Variants in GEMIN5 observed in about 807,000 individuals in gnomAD.
GEMIN5 encodes gem-associated protein 5.
A neutral mutation model predicts 176.9 loss-of-function variants in GEMIN5; 124 were observed. The observed-to-expected ratio is 0.70, with a 90% CI of 0.61 to 0.81. GEMIN5 has a LOEUF of 0.81. GEMIN5 is among the 40% of genes least tolerant of loss of function. The probability of loss-of-function intolerance (pLI) is 0.00; values close to 1 mark genes in which losing one functional copy is unlikely to be tolerated. For missense variants in GEMIN5, 1,843 were observed against 1,814.6 expected (o/e 1.02, Z -0.28); for synonymous variants, 673 against 665.2 (o/e 1.01, Z -0.18).
rs779966329 is a variant in GEMIN5 at position 154,928,675 on chromosome 5, A to G, written c.782-16T>C. The G allele has an allele frequency of 1.2e-6, 2 of 1,613,236 alleles. No individual in the cohort carries two copies. Among genetic ancestry groups the G allele is most frequent in the East Asian group, 4.5e-5 (2 of 44,886 alleles). On this transcript the variant is annotated splice_polypyrimidine_tract_variant and intron_variant, in intron 5 of 27. Coordinates refer to ENST00000285873, the MANE Select transcript of GEMIN5 (RefSeq NM_015465.5). The stretch of plus-strand genomic sequence containing the variant: ...ATCATCACCCCTGCAGATTAAAAAG[A>G]AGGCCAGTGGGCACTCAAGACAGTG...
In GEMIN5 at chr5:154,917,177, G is replaced by A; in HGVS notation, c.1676C>T (p.Ser559Leu). Residue 559 changes from serine to leucine, a missense_variant and splice_region_variant, in exon 13 of 28, where the codon TCA becomes TTA. By Grantham distance (145) the Ser-to-Leu change is moderately radical. Coordinates refer to ENST00000285873, the MANE Select transcript of GEMIN5 (RefSeq NM_015465.5). ...KIMALGNEDGSIEIFQIPNLK... is the reference protein window; with the variant it reads ...KIMALGNEDGLIEIFQIPNLK... Reference sequence around the variant, plus strand: ...GTTGGGAATCTGAAATATTTCTATTGATCTGGAATAAGAAACACATCAAAA... The same window carrying A: ...GTTGGGAATCTGAAATATTTCTATTAATCTGGAATAAGAAACACATCAAAA... 6.7e-7 allele frequency: 1 copy of A among 1,485,950 alleles called. No individual in the cohort carries two copies. The highest frequency in any genetic ancestry group is 1.3e-5 in the South Asian group (1 of 75,020). 92.0% of individuals were successfully genotyped at this position (1,485,950 alleles called of 1,614,324 possible).
intron 8 of GEMIN5, among the ~76,000 whole-genome samples, chr5:154,924,785 C>T (rs1763994591): frequency 6.6e-6 from 1 of 151,852 alleles, no homozygotes; most frequent in African/African-American, 2.4e-5. Flanking sequence ...GTCAGGAGAT[C>T]GAGACCATCC....
chr5:154,889,225 T>C (rs1418535738), intron 27 of GEMIN5, 96 bp downstream of exon 27: 9 of 702,452 alleles, frequency 1.3e-5, no homozygotes, highest in Admixed American at 1.0e-4. Flanking sequence ...TTTTAGAAAC[T>C]GAACAGAGAG....
In GEMIN5 at chr5:154,911,800, G is replaced by T. The variant is rs775478165; in HGVS notation, c.2094C>A (p.Ile698=). The part of the protein sequence containing the change: ...VAWSPLDPDC[I]YSGADDFCVH... The stretch of plus-strand genomic sequence containing the variant: ...CACAAAAGTCATCTGCCCCTGAATA[G>T]ATGCAGTCTGGATCCAAAGGAGACC... The change falls in exon 15 of 28, where the codon ATC becomes ATA. Residue 698 remains isoleucine, a synonymous_variant. Transcript: ENST00000285873. 6.2e-7 allele frequency: 1 copy of T among 1,613,920 alleles called. No individual in the cohort carries two copies. The highest frequency in any genetic ancestry group is 2.2e-5 in the East Asian group (1 of 44,888).
intron 8 of GEMIN5, among the ~76,000 whole-genome samples, chr5:154,924,849 C>G (rs1213511196): frequency 6.6e-6 from 1 of 151,828 alleles, no homozygotes; most frequent in South Asian, 2.1e-4. Context: ...ATTAGCCAGG[C>G]GTGGTGGCGG....
chr5:154,933,375 C>T (rs1377398046), intron 3 of GEMIN5, among the ~76,000 whole-genome samples: 1 of 152,162 alleles, frequency 6.6e-6, no homozygotes, highest in Non-Finnish European at 1.5e-5. Context: ...TGTTGATACA[C>T]GTAACTCTAG....
At chr5:154,910,803 A>G (rs1225302803) in intron 15 of GEMIN5, among the ~76,000 whole-genome samples, 1 of 152,150 alleles carries the variant, frequency 6.6e-6, no homozygotes, top group Non-Finnish European at 1.5e-5. Flanking sequence ...GCTTCACGCC[A>G]TTCTCCTGCC....
Position 154,896,202 on chromosome 5 carries a change from C to T in GEMIN5, c.3487G>A (p.Val1163Met), listed in dbSNP as rs776189157. ...EGPFVERVTAVWKSIFSLDTP... is the reference protein window; with the variant it reads ...EGPFVERVTAMWKSIFSLDTP... ...TCAAGGCTGAAGATGCTCTTCCACA[C>T]TGCAGTCACCCTCTCCACGAAAGGC... is the stretch of plus-strand genomic sequence containing the variant. The change falls in exon 24 of 28, where the codon GTG (valine) becomes ATG (methionine). Residue 1163 changes from valine (V) to methionine (M), a missense_variant. Transcript: ENST00000285873. The T allele has an allele frequency of 1.2e-6, 2 of 1,613,900 alleles. No individual in the cohort carries two copies. Among genetic ancestry groups the T allele is most frequent in the East Asian group, 4.5e-5 (2 of 44,868 alleles).
chr5:154,920,903 G>C (rs2113496161), intron 10 of GEMIN5, among the ~76,000 whole-genome samples: 1 of 152,302 alleles, frequency 6.6e-6, no homozygotes, highest in South Asian at 2.1e-4. Flanking sequence ...GCAGAATGCT[G>C]AATCAAAGGC....
chr5:154,926,049 A>G lies in GEMIN5; in HGVS notation c.1106T>C (p.Leu369Ser), dbSNP rs772143923. ...RDVKCWDIAT[L>S]ECSWTLPSLG... The stretch of plus-strand genomic sequence containing the variant: ...GGAAGGAAGGGTCCAGCTGCACTCC[A>G]AGGTGGCTATGTCCCAACATTTTAC... Residue 369 changes from leucine (L) to serine (S), a missense_variant, in exon 8 of 28, where the codon TTG (leucine) becomes TCG (serine). Coordinates refer to ENST00000285873, the MANE Select transcript of GEMIN5 (RefSeq NM_015465.5). The G allele has an allele frequency of 2.5e-6, 4 of 1,612,798 alleles. No individual in the cohort carries two copies. The highest frequency in any genetic ancestry group is 3.4e-6 in the Non-Finnish European group (4 of 1,178,766).
At chr5:154,929,081 G>T (rs1337629668) in intron 5 of GEMIN5, among the ~76,000 whole-genome samples, 6 of 152,026 alleles carry the variant, frequency 3.9e-5, no homozygotes, top group Non-Finnish European at 5.9e-5. Flanking sequence ...AAAATTAGCC[G>T]GGCGTGGTGG....
Position 154,914,509 on chromosome 5 carries a change from C to CTT in GEMIN5, c.1856-1473_1856-1472dup, listed in dbSNP as rs66537820. ...ATGGGTGGCTGATTACACTATTTTACTTTTTTTTTTTTTTTTTTTAAAGAG... is the reference window on the plus strand; with the variant it reads ...ATGGGTGGCTGATTACACTATTTTACTTTTTTTTTTTTTTTTTTTTTAAAGAG... On this transcript the variant is annotated intron_variant, in intron 13 of 27. Transcript: ENST00000285873. Among the ~76,000 whole-genome samples the CTT allele has an allele frequency of 5.0e-3, 682 of 136,222 alleles. 4 individuals are homozygous for CTT. Among genetic ancestry groups the CTT allele is most frequent in the African/African-American group, 0.017 (641 of 36,804 alleles). 89.4% of individuals were successfully genotyped at this position (136,222 alleles called of 152,430 possible).
At chr5:154,931,850 C>A (rs1004914846) in intron 4 of GEMIN5, 1 of 492,580 alleles carries the variant, frequency 2.0e-6, no homozygotes, top group South Asian at 2.7e-5. Context: ...CCTGTCTCTA[C>A]TAAAAATACA....
chr5:154,896,231 T>G lies in GEMIN5; in HGVS notation c.3458A>C (p.Glu1153Ala), dbSNP rs143683822. The G allele has an allele frequency of 3.4e-4, 556 of 1,613,836 alleles. 3 individuals are homozygous for G. In the African/African-American group the frequency reaches 6.0e-3, roughly 18 times the overall value. ...SSYHTWNTGTEGPFVERVTAV... is the reference protein window; with the variant it reads ...SSYHTWNTGTAGPFVERVTAV... ...AGTCACCCTCTCCACGAAAGGCCCT[T>G]CGGTGCCCGTGTTCCAAGTGTGGTA... The change falls in exon 24 of 28, where the codon GAA becomes GCA. Residue 1153 changes from glutamate to alanine, a missense_variant. Physicochemically the swap from Glu to Ala is moderately radical, Grantham distance 107 (BLOSUM62 -1). Coordinates refer to ENST00000285873, the MANE Select transcript of GEMIN5 (RefSeq NM_015465.5).
At chr5:154,935,643 T>C (rs1764251603) in intron 3 of GEMIN5, among the ~76,000 whole-genome samples, 198 bp downstream of exon 3, 2 of 151,962 alleles carry the variant, frequency 1.3e-5, no homozygotes, top group African/African-American at 4.8e-5. Context: ...TACAGTACCA[T>C]GGAAACCAAG....
At chr5:154,907,424 A>G (rs534481665) in intron 16 of GEMIN5, among the ~76,000 whole-genome samples, 167 bp downstream of exon 16, 27 of 151,550 alleles carry the variant, frequency 1.8e-4, no homozygotes, top group African/African-American at 6.0e-4. Context: ...TAAAACTTCA[A>G]AGATGTTTAT....
At chr5:154,903,351 G>T (rs1763503154) in intron 18 of GEMIN5, among the ~76,000 whole-genome samples, 176 bp from the exon 19 acceptor site, 1 of 152,116 alleles carries the variant, frequency 6.6e-6, no homozygotes, top group African/African-American at 2.4e-5. Context: ...CACTTAAAAT[G>T]TTAAAAGTGA....
At position 154,938,205 on chromosome 5, in the gene GEMIN5, G is replaced by A; in HGVS notation, c.-72C>T. ...CGTAGCCTCACGCCTTAGGTAGGGAGCGGGGCGGGGTGAACTCCGAGCCCC... is the reference window on the plus strand; with the variant it reads ...CGTAGCCTCACGCCTTAGGTAGGGAACGGGGCGGGGTGAACTCCGAGCCCC... On this transcript the variant is annotated 5_prime_UTR_variant, in exon 1 of 28. Coordinates refer to ENST00000285873, the MANE Select transcript of GEMIN5 (RefSeq NM_015465.5). The A allele has an allele frequency of 8.2e-7, 1 of 1,225,158 alleles. No individual in the cohort carries two copies. The highest frequency in any genetic ancestry group is 1.1e-6 in the Non-Finnish European group (1 of 950,450). The allele number at this position is 1,225,158 out of a possible 1,614,324, so 75.9% of individuals were successfully genotyped here. A position where few individuals can be genotyped will look rare whatever the true frequency, so the allele number is the denominator to read the frequency against.
At chr5:154,914,320 CTAAA>C (rs1002992376) in intron 13 of GEMIN5, among the ~76,000 whole-genome samples, 2 of 151,742 alleles carry the variant, frequency 1.3e-5, no homozygotes, top group African/African-American at 2.4e-5. Flanking sequence ...CACGCCCGGC[CTAAA>C]TAAATAATTT....
Sources: allele counts gnomAD v4.1 joint callset (sites outside exome capture counted in the v4.1 genomes callset), GRCh38; gene constraint gnomAD v4.1.1; transcripts MANE v1.5; gene names NCBI Gene and HGNC (gene_info 2026-07-23, HGNC 2026-07-21).